FAAH2: variants seen among roughly 807,000 people sequenced by gnomAD.
FAAH2 encodes fatty acid amide hydrolase 2.
In FAAH2, 60 loss-of-function variants were observed where a neutral mutation model predicts 36.9. The observed-to-expected ratio is 1.63, with a 90% CI of 1.32 to 2.02. The LOEUF is 2.02. FAAH2 is among the 30% of genes most tolerant of loss of function. The pLI is 0.00. For synonymous variants in FAAH2, 214 were observed against 143.8 expected (o/e 1.49, Z -3.49); for missense variants, 689 against 397.5 (o/e 1.73, Z -6.23).
At chrX:57,317,550 C>A (rs930551315) in intron 3 of FAAH2, among the ~76,000 whole-genome samples, 4 of 111,383 alleles carry the variant, frequency 3.6e-5, no homozygotes, top group African/African-American at 1.3e-4. Context: ...GACTTAGAGT[C>A]CTACACCATA....
At chrX:57,484,125 G>T (rs143506146) in intron 10 of FAAH2, among the ~76,000 whole-genome samples, 1 of 110,782 alleles carries the variant, frequency 9.0e-6, no homozygotes, top group East Asian at 2.8e-4. Flanking sequence ...TTTTTATTGC[G>T]CTTTTCACTT....
At chrX:57,134,529 C>A in the FAAH2 span, 3 of 111,477 alleles carry the variant, frequency 2.7e-5, no homozygotes, top group African/African-American at 9.8e-5. Flanking sequence ...CTCCCCATAC[C>A]CTCGAGAGAA....
chrX:57,185,245 C>A, the FAAH2 span, among the ~76,000 whole-genome samples: 1 of 110,753 alleles, frequency 9.0e-6, no homozygotes, highest in African/African-American at 3.3e-5. Context: ...CCAGCACTAC[C>A]CTTCCCAGCC....
At chrX:57,421,943 G>T (rs2056043046) in intron 7 of FAAH2, among the ~76,000 whole-genome samples, 1 of 111,952 alleles carries the variant, frequency 8.9e-6, no homozygotes, top group Admixed American at 9.5e-5. Flanking sequence ...AATGCCTTGT[G>T]TAAGGAAAAG....
chrX:57,314,923 A>G (rs2052794695), intron 3 of FAAH2, among the ~76,000 whole-genome samples: 1 of 111,208 alleles, frequency 9.0e-6, no homozygotes, highest in Non-Finnish European at 1.9e-5. Context: ...GAAGAAAAGA[A>G]ATAACTAAAA....
intron 7 of FAAH2, among the ~76,000 whole-genome samples, chrX:57,389,061 C>A (rs964619821): frequency 4.6e-5 from 5 of 108,049 alleles, no homozygotes; most frequent in African/African-American, 1.7e-4. Flanking sequence ...CTGTTATAAT[C>A]ATTTATGTGC....
At chrX:57,292,410 A>C in intron 1 of FAAH2, 88 bp from the exon 2 acceptor site, 1 of 804,280 alleles carries the variant, frequency 1.2e-6, no homozygotes. Flanking sequence ...AAAAATGATT[A>C]ATGTACATAG....
upstream of FAAH2, among the ~76,000 whole-genome samples, chrX:57,285,302 C>T (rs147392193): frequency 4.1e-3 from 464 of 111,966 alleles, 2 homozygotes; most frequent in African/African-American, 0.014. Context: ...ACCTTAAATG[C>T]CAAGCTCGAA....
intron 5 of FAAH2, among the ~76,000 whole-genome samples, chrX:57,347,467 T>G (rs1569279319): frequency 9.0e-6 from 1 of 111,168 alleles, no homozygotes; most frequent in Non-Finnish European, 1.9e-5. Context: ...TTAGATCATT[T>G]TAATGGATTC....
the FAAH2 span, among the ~76,000 whole-genome samples, chrX:57,133,936 T>C: frequency 9.0e-6 from 1 of 111,527 alleles, no homozygotes; most frequent in African/African-American, 3.3e-5. Flanking sequence ...TTTCAACTCC[T>C]GGCAGCTCCT....
At chrX:57,341,125 A>T in intron 4 of FAAH2, 146 bp from the exon 5 acceptor site, 2 of 494,087 alleles carry the variant, frequency 4.0e-6, no homozygotes, top group South Asian at 6.4e-5. Flanking sequence ...ATAGAATAAA[A>T]TTATGATCTA....
At position 57,331,614 on chromosome X, in the gene FAAH2, T is replaced by C. The variant is rs748449725; in HGVS notation, c.429T>C (p.Ser143=). The change falls in exon 4 of 11, where the codon TCT becomes TCC. Residue 143 remains serine, a synonymous_variant. Coordinates refer to ENST00000374900, the MANE Select transcript of FAAH2 (RefSeq NM_174912.4). ...CTCTTTTAGGAATGCCCAATTCTTC[T>C]GGACTCATGAACCGTCGTGATGCCA... The part of the protein sequence containing the change: ...AFQLQGMPNS[S]GLMNRRDAIA... The C allele has an allele frequency of 1.2e-5, 14 of 1,210,830 alleles. No individual in the cohort carries two copies. The South Asian group carries it at 2.3e-4, about 20-fold the overall frequency.
chrX:57,459,785 G>A (rs1230542621), intron 10 of FAAH2, among the ~76,000 whole-genome samples: 3 of 111,977 alleles, frequency 2.7e-5, no homozygotes, highest in Non-Finnish European at 3.8e-5. Flanking sequence ...CTAACAAAAA[G>A]AAAGCAACAA....
chrX:57,174,586 C>A, the FAAH2 span, among the ~76,000 whole-genome samples: 1 of 111,028 alleles, frequency 9.0e-6, no homozygotes, highest in East Asian at 2.8e-4. Context: ...TCATTTAGTT[C>A]TTTTCTGATC....
intron 5 of FAAH2, among the ~76,000 whole-genome samples, chrX:57,378,194 G>A (rs2054736665): frequency 8.9e-6 from 1 of 112,232 alleles, no homozygotes; most frequent in African/African-American, 3.2e-5. Context: ...GTTCTTTGCG[G>A]AAAATTGCAA....
intron 10 of FAAH2, among the ~76,000 whole-genome samples, chrX:57,472,273 C>T (rs2057183563): frequency 8.9e-6 from 1 of 111,948 alleles, no homozygotes; most frequent in Non-Finnish European, 1.9e-5. Context: ...CGCTTCTGCA[C>T]AGCCAAAGAA....
chrX:57,280,503 A>G, the FAAH2 span, among the ~76,000 whole-genome samples: 1 of 104,325 alleles, frequency 9.6e-6, no homozygotes, highest in African/African-American at 3.8e-5. Flanking sequence ...ATGTTAAGCT[A>G]TCACTTTACA....
At chrX:57,431,798 T>TTTTTTTTTTG in intron 7 of FAAH2, 120 bp from the exon 8 acceptor site, 2 of 428,776 alleles carry the variant, frequency 4.7e-6, no homozygotes, top group Non-Finnish European at 6.5e-6. Flanking sequence ...TTTTTTTTGG[T>TTTTTTTTTTG]GTTTCCATGG....
intron 7 of FAAH2, among the ~76,000 whole-genome samples, chrX:57,399,048 G>A (rs2055370180): frequency 9.0e-6 from 1 of 111,504 alleles, no homozygotes; most frequent in South Asian, 3.8e-4. Flanking sequence ...GGACTAGCAG[G>A]CCGGTCCAGG....
Sources: allele counts gnomAD v4.1 joint callset (sites outside exome capture counted in the v4.1 genomes callset), GRCh38; gene constraint gnomAD v4.1.1; transcripts MANE v1.5; gene names NCBI Gene and HGNC (gene_info 2026-07-23, HGNC 2026-07-21).